CCSER1: variants seen among roughly 807,000 people sequenced by gnomAD.
The protein encoded by CCSER1 is coiled-coil serine rich protein 1, also known as serine-rich coiled-coil domain-containing protein 1.
In CCSER1, 41 loss-of-function variants were observed where a neutral mutation model predicts 82.0. The ratio of observed to expected loss-of-function variants is 0.50; its 90% CI spans 0.39 to 0.65. CCSER1 has a LOEUF of 0.65. CCSER1 is among the 30% of genes least tolerant of loss of function. CCSER1 has a pLI of 0.00. For synonymous variants in CCSER1, 414 were observed against 383.9 expected (o/e 1.08, Z -0.92); for missense variants, 1,119 against 1,064.2 (o/e 1.05, Z -0.72).
chr4:90,464,996 G>A (rs553240807), intron 4 of CCSER1, among the ~76,000 whole-genome samples: 15 of 152,216 alleles, frequency 9.9e-5, no homozygotes, highest in African/African-American at 3.1e-4. Context: ...ACGGGGTCTC[G>A]CCCTGTGGCC....
chr4:91,419,160 A>G lies in CCSER1; in HGVS notation c.2218-179412A>G, dbSNP rs540194761. On this transcript the variant is annotated intron_variant, in intron 10 of 10. Coordinates refer to ENST00000509176, the MANE Select transcript of CCSER1 (RefSeq NM_001145065.2). ...GTGAAAAGCTGAAGCTTTTCCTCTA[A>G]TATCAGGAGAAAGACAAAAAAAGTC... 5.9e-5 allele frequency among the ~76,000 whole-genome samples: 9 copies of G among 152,126 alleles called. No individual in the cohort carries two copies. The South Asian group carries it at 1.9e-3, about 31-fold the overall frequency.
At chr4:90,707,012 C>T (rs1041112052) in intron 6 of CCSER1, among the ~76,000 whole-genome samples, 3 of 152,192 alleles carry the variant, frequency 2.0e-5, no homozygotes, top group Non-Finnish European at 2.9e-5. Flanking sequence ...TAACCACTGT[C>T]TTTTCCTGCT....
At chr4:91,069,450 A>G (rs1721201222) in intron 9 of CCSER1, among the ~76,000 whole-genome samples, 3 of 152,064 alleles carry the variant, frequency 2.0e-5, no homozygotes, top group Admixed American at 2.0e-4. Flanking sequence ...ATCATTTTAT[A>G]GTAATTATAG....
intron 5 of CCSER1, among the ~76,000 whole-genome samples, chr4:90,588,155 C>G (rs1346788582): frequency 6.6e-6 from 1 of 152,166 alleles, no homozygotes; most frequent in Non-Finnish European, 1.5e-5. Context: ...GCCACTGAAG[C>G]TTGGGTAGCT....
rs570271955 is a variant in CCSER1 at position 91,165,262 on chromosome 4, A to T, written c.2217+79268A>T. Among the ~76,000 whole-genome samples the T allele has an allele frequency of 9.9e-5, 15 of 152,280 alleles. No homozygotes were observed. In the South Asian group the frequency reaches 3.1e-3, roughly 32 times the overall value. On this transcript the variant is annotated intron_variant, in intron 10 of 10. Transcript: ENST00000509176. Reference sequence around the variant, plus strand: ...CTGTTTGCCTGGGTATGACCAGCGGAGGTTGCAGAACAGCAAATATTTCAG... The same window carrying T: ...CTGTTTGCCTGGGTATGACCAGCGGTGGTTGCAGAACAGCAAATATTTCAG...
chr4:90,198,332 C>G (rs1029693244), intron 1 of CCSER1, among the ~76,000 whole-genome samples: 1 of 152,008 alleles, frequency 6.6e-6, no homozygotes, highest in African/African-American at 2.4e-5. Flanking sequence ...ATCTAATCAG[C>G]ATGAAAAAGA....
At chr4:90,752,942 A>G (rs1393747175) in intron 7 of CCSER1, among the ~76,000 whole-genome samples, 2 of 152,070 alleles carry the variant, frequency 1.3e-5, no homozygotes, top group African/African-American at 4.8e-5. Flanking sequence ...TCCAATCTCA[A>G]TAAATATTTT....
chr4:90,655,506 C>G (rs7678639), intron 6 of CCSER1, among the ~76,000 whole-genome samples: 3 of 151,608 alleles, frequency 2.0e-5, no homozygotes, highest in Admixed American at 2.0e-4. Context: ...CTCATTTCCA[C>G]CTATGAAGGC....
At chr4:90,761,318 G>A (rs1282655927) in intron 7 of CCSER1, among the ~76,000 whole-genome samples, 7 of 152,068 alleles carry the variant, frequency 4.6e-5, no homozygotes, top group African/African-American at 1.7e-4. Context: ...TTATCTTTGT[G>A]TCTTCATCTG....
intron 1 of CCSER1, among the ~76,000 whole-genome samples, chr4:90,206,500 G>A (rs546649476): frequency 2.0e-5 from 3 of 152,196 alleles, no homozygotes; most frequent in Admixed American, 2.0e-4. Context: ...CCATGTAGTT[G>A]TGTGGCTTTG....
intron 10 of CCSER1, among the ~76,000 whole-genome samples, chr4:91,115,666 T>A (rs1726495740): frequency 6.6e-6 from 1 of 152,002 alleles, no homozygotes; most frequent in Non-Finnish European, 1.5e-5. Context: ...TTTGCCTGGC[T>A]CAGGGTACAT....
intron 8 of CCSER1, among the ~76,000 whole-genome samples, chr4:90,848,796 T>C (rs1763507010): frequency 1.3e-5 from 2 of 152,212 alleles, no homozygotes; most frequent in South Asian, 4.1e-4. Flanking sequence ...GTTCTCGTGT[T>C]AGTGAGTTCT....
chr4:90,251,793 A>G (rs1172212813), intron 1 of CCSER1, among the ~76,000 whole-genome samples: 1 of 151,762 alleles, frequency 6.6e-6, no homozygotes, highest in African/African-American at 2.4e-5. Context: ...GCAGTTGTTC[A>G]TAGTATTCCT....
intron 4 of CCSER1, among the ~76,000 whole-genome samples, chr4:90,433,762 A>G (rs1758624655): frequency 6.6e-6 from 1 of 151,992 alleles, no homozygotes; most frequent in Admixed American, 6.6e-5. Flanking sequence ...TCTTCTAATA[A>G]TATCATAATT....
At chr4:91,369,951 A>T (rs1749915656) in intron 10 of CCSER1, among the ~76,000 whole-genome samples, 1 of 151,276 alleles carries the variant, frequency 6.6e-6, no homozygotes, top group Non-Finnish European at 1.5e-5. Context: ...AAGTGCTGGG[A>T]TTATAGGCAT....
At chr4:90,168,926 T>G (rs1392814208) in intron 1 of CCSER1, among the ~76,000 whole-genome samples, 1 of 151,658 alleles carries the variant, frequency 6.6e-6, no homozygotes, top group Non-Finnish European at 1.5e-5. Context: ...TCCAGCTTTA[T>G]TCTTTTGGCT....
Position 90,587,876 on chromosome 4 carries a change from G to A in CCSER1, c.1725-40149G>A, listed in dbSNP as rs189818376. Among the ~76,000 whole-genome samples, 5 of 152,246 alleles carry A rather than the reference G, an allele frequency of 3.3e-5. 1 individual carries two copies. Among genetic ancestry groups the A allele is most frequent in the Admixed American group, 2.6e-4 (4 of 15,290 alleles). On this transcript the variant is annotated intron_variant, in intron 5 of 10. Coordinates refer to ENST00000509176, the MANE Select transcript of CCSER1 (RefSeq NM_001145065.2). ...TCAGGCATATGTTAAAGATATTGCA[G>A]GTTCAGTTCCAGACCACCATAATCA...
intron 1 of CCSER1, among the ~76,000 whole-genome samples, chr4:90,240,106 G>C (rs539383005): frequency 2.2e-4 from 33 of 152,252 alleles, no homozygotes; most frequent in South Asian, 6.2e-4. Context: ...AGAAGTTTTC[G>C]AGTTTGGCTG....
At chr4:91,451,912 G>A (rs1755890878) in intron 10 of CCSER1, among the ~76,000 whole-genome samples, 1 of 151,950 alleles carries the variant, frequency 6.6e-6, no homozygotes, top group Non-Finnish European at 1.5e-5. Context: ...ATTAGCCTGG[G>A]TTGAGCTGGT....
Sources: allele counts gnomAD v4.1 joint callset (sites outside exome capture counted in the v4.1 genomes callset), GRCh38; gene constraint gnomAD v4.1.1; transcripts MANE v1.5; gene names NCBI Gene and HGNC (gene_info 2026-07-23, HGNC 2026-07-21).